ANAPC11: variants seen among roughly 807,000 people sequenced by gnomAD.
The protein encoded by ANAPC11 is anaphase-promoting complex subunit 11.
In ANAPC11, 5 loss-of-function variants were observed where a neutral mutation model predicts 11.8. The ratio of observed to expected loss-of-function variants is 0.42; its 90% CI spans 0.22 to 0.89. The LOEUF is 0.89. Among genes scored for constraint, ANAPC11 ranks in the 40% least tolerant of loss-of-function variants. The pLI, the probability that ANAPC11 is intolerant of heterozygous loss-of-function variation, is 0.28. For missense variants in ANAPC11, 68 were observed against 112.9 expected (o/e 0.60, Z 1.80); for synonymous variants, 45 against 41.0 (o/e 1.10, Z -0.38).
upstream of ANAPC11, chr17:81,891,379 T>C (rs2039526269): frequency 8.8e-7 from 1 of 1,130,358 alleles, no homozygotes; most frequent in Non-Finnish European, 1.1e-6. Flanking sequence ...CCGCGGGCGA[T>C]GGCCGGCCGG....
chr17:81,899,330 G>C, intron 3 of ANAPC11: 1 of 1,613,658 alleles, frequency 6.2e-7, no homozygotes, highest in Non-Finnish European at 8.5e-7. Flanking sequence ...ATCCACAGGT[G>C]CCCATCAACA....
chr17:81,892,370 G>A (rs1304514938), intron 1 of ANAPC11, among the ~76,000 whole-genome samples: 1 of 151,850 alleles, frequency 6.6e-6, no homozygotes, highest in African/African-American at 2.4e-5. Flanking sequence ...TTGGGAGGCC[G>A]AGGTGGGAGG....
chr17:81,897,346 T>G (rs2039780340), intron 3 of ANAPC11, among the ~76,000 whole-genome samples: 1 of 152,142 alleles, frequency 6.6e-6, no homozygotes, highest in Non-Finnish European at 1.5e-5. Context: ...TTGGCCGGGC[T>G]GGTCTTAAAA....
chr17:81,899,717 T>C, intron 3 of ANAPC11: 1 of 945,278 alleles, frequency 1.1e-6, no homozygotes, highest in Non-Finnish European at 1.6e-6. Context: ...CGGTGTCCCT[T>C]GGTCATTGCT....
rs758792659 is a variant in ANAPC11, at chr17:81,894,649, G to A, written c.109+63G>A. ...TGTGAGTGTCCCCTCTGTGCTGTCT[G>A]CTGCCTGCTGGACTAGCCTCAGTAG... is the stretch of plus-strand genomic sequence containing the variant. On this transcript the variant is annotated intron_variant, in intron 3 of 3. Transcript: ENST00000344877. The A allele has an allele frequency of 3.6e-6, 4 of 1,106,286 alleles. No individual in the cohort carries two copies. In the African/African-American group the frequency reaches 4.8e-5, roughly 13 times the overall value. 68.5% of individuals were successfully genotyped at this position (1,106,286 alleles called of 1,614,324 possible).
At chr17:81,894,801 T>C (rs1256188091) in intron 3 of ANAPC11, 1 of 418,608 alleles carries the variant, frequency 2.4e-6, no homozygotes, top group Non-Finnish European at 4.2e-6. Context: ...TGCCGCAACC[T>C]CTGCCTCCCG....
upstream of ANAPC11, chr17:81,891,568 C>A: frequency 7.0e-7 from 1 of 1,437,842 alleles, no homozygotes; most frequent in Non-Finnish European, 9.1e-7. Context: ...ATGGCGGGCG[C>A]GGAATCGGGC....
chr17:81,894,683 A>G, intron 3 of ANAPC11, 97 bp downstream of exon 3: 1 of 612,442 alleles, frequency 1.6e-6, no homozygotes. Flanking sequence ...AGCTCCTGTT[A>G]AATACCTGCA....
chr17:81,896,987 G>A (rs1406351298), intron 3 of ANAPC11, among the ~76,000 whole-genome samples: 1 of 150,828 alleles, frequency 6.6e-6, no homozygotes, highest in Non-Finnish European at 1.5e-5. Context: ...CTAATTTGTT[G>A]TATTTTTATT....
intron 3 of ANAPC11, chr17:81,899,235 G>T (rs773005506): frequency 6.2e-7 from 1 of 1,609,606 alleles, no homozygotes; most frequent in African/African-American, 1.3e-5. Context: ...ATCCCTCTCT[G>T]TGTCAGGTCC....
chr17:81,891,259 GGCCCCGGCCCCA>G (rs1205940632), upstream of ANAPC11: 2 of 1,067,120 alleles, frequency 1.9e-6, no homozygotes, highest in East Asian at 1.3e-4. Context: ...CGCCGCGAGC[GGCCCCGGCCCCA>G]GCCCCGGCTG....
intron 3 of ANAPC11, among the ~76,000 whole-genome samples, chr17:81,896,370 C>T (rs911708296): frequency 7.2e-5 from 11 of 152,114 alleles, no homozygotes; most frequent in African/African-American, 2.7e-4. Flanking sequence ...TGTGGTGAGC[C>T]AAGATCGCAC....
upstream of ANAPC11, chr17:81,890,936 G>C (rs903822121): frequency 1.4e-6 from 2 of 1,474,280 alleles, no homozygotes; most frequent in South Asian, 2.6e-5. Flanking sequence ...CGGCCGAAAC[G>C]GGGCCGCCAG....
At chr17:81,891,687 G>C (rs2039534581), upstream of ANAPC11, 2 of 1,059,224 alleles carry the variant, frequency 1.9e-6, no homozygotes, top group Middle Eastern at 3.4e-4. Context: ...CTGGCGGACG[G>C]CTGCGCGCGC....
intron 1 of ANAPC11, chr17:81,893,194 G>A (rs1384323082): frequency 6.6e-6 from 1 of 152,270 alleles, no homozygotes; most frequent in Non-Finnish European, 1.5e-5. Context: ...CCAGGTTCAA[G>A]TGATTCTCTT....
chr17:81,894,613 G>C (rs768328989), intron 3 of ANAPC11, 27 bp downstream of exon 3: 1 of 1,538,404 alleles, frequency 6.5e-7, no homozygotes, highest in Non-Finnish European at 8.9e-7. Context: ...TGCTGTCTGA[G>C]CGGCCCCGAC....
At chr17:81,899,722 A>G (rs1480101597) in intron 3 of ANAPC11, 198 bp from the exon 4 acceptor site, 7 of 959,944 alleles carry the variant, frequency 7.3e-6, no homozygotes, top group Non-Finnish European at 1.1e-5. Context: ...TCCCTTGGTC[A>G]TTGCTGGTCT....
upstream of ANAPC11, chr17:81,891,027 T>A (rs1196504992): frequency 6.5e-6 from 5 of 766,544 alleles, no homozygotes; most frequent in Non-Finnish European, 1.0e-5. Flanking sequence ...TCCCTTAGAC[T>A]AACTTCCCGC....
At chr17:81,890,836 CA>C (rs777262141), upstream of ANAPC11, 2 of 1,613,978 alleles carry the variant, frequency 1.2e-6, no homozygotes, top group Non-Finnish European at 1.7e-6. Flanking sequence ...AAAAAAACCG[CA>C]ACAAGAGCAG....
Sources: allele counts gnomAD v4.1 joint callset (sites outside exome capture counted in the v4.1 genomes callset), GRCh38; gene constraint gnomAD v4.1.1; transcripts MANE v1.5; gene names NCBI Gene and HGNC (gene_info 2026-07-23, HGNC 2026-07-21).